AHI1: variants seen among roughly 807,000 people sequenced by gnomAD.
The protein encoded by AHI1 is jouberin.
AHI1 carries 123 observed loss-of-function variants against 149.3 expected under a neutral mutation model. That is an observed-to-expected ratio of 0.82 (90% confidence interval 0.71 to 0.96). The LOEUF (loss-of-function observed/expected upper bound fraction) is 0.96, where lower values mean the gene tolerates loss of function less well. Among genes scored for constraint, AHI1 ranks in the 40% least tolerant of loss-of-function variants. The probability of loss-of-function intolerance (pLI) is 0.00; values close to 1 mark genes in which losing one functional copy is unlikely to be tolerated. For synonymous variants in AHI1, 475 were observed against 459.8 expected, an observed-to-expected ratio of 1.03 and a Z score of -0.42; for missense variants, 1,439 against 1,422.7, an observed-to-expected ratio of 1.01 and a Z score of -0.18.
chr6:135,444,184 C>CA (rs1786787098), intron 13 of AHI1, among the ~76,000 whole-genome samples: 1 of 152,210 alleles, frequency 6.6e-6, no homozygotes, highest in Non-Finnish European at 1.5e-5. Flanking sequence ...ATTAGACCCT[C>CA]ATCACCTCAC....
intron 23 of AHI1, among the ~76,000 whole-genome samples, chr6:135,389,736 C>T (rs1410348925): frequency 1.3e-5 from 2 of 152,138 alleles, no homozygotes; most frequent in Non-Finnish European, 2.9e-5. Context: ...TAGAGCAATG[C>T]TGTGAAAATA....
In AHI1 at chr6:135,459,740, T is replaced by TA. The variant is rs58235668; in HGVS notation, c.932-2028dup. Reference sequence around the variant, plus strand: ...CAGTATATCAAATAGCTGACAGAAGTAAAAAAAAAAAAAAAAAAGATTGAT... The same window carrying TA: ...CAGTATATCAAATAGCTGACAGAAGTAAAAAAAAAAAAAAAAAAAGATTGAT... On this transcript the variant is annotated intron_variant, in intron 8 of 28. Transcript: ENST00000265602. Among the ~76,000 whole-genome samples, 507 of 118,552 alleles carry TA rather than the reference T, an allele frequency of 4.3e-3. 3 individuals are homozygous for TA. The highest frequency in any genetic ancestry group is 0.015 in the African/African-American group (455 of 29,532). 77.8% of individuals were successfully genotyped at this position (118,552 alleles called of 152,430 possible).
At chr6:135,354,889 A>G (rs556059415) in intron 24 of AHI1, among the ~76,000 whole-genome samples, 1 of 152,314 alleles carries the variant, frequency 6.6e-6, no homozygotes, top group South Asian at 2.1e-4. Flanking sequence ...CATTAGGTAT[A>G]AAGAAAATAA....
chr6:135,493,714 G>A (rs1452227227), intron 3 of AHI1, among the ~76,000 whole-genome samples: 1 of 152,148 alleles, frequency 6.6e-6, no homozygotes, highest in Admixed American at 6.5e-5. Flanking sequence ...TAATAGGCCA[G>A]GAAAAAGCTG....
intron 20 of AHI1, among the ~76,000 whole-genome samples, chr6:135,424,965 A>C (rs1783726783): frequency 6.6e-6 from 1 of 151,970 alleles, no homozygotes; most frequent in Non-Finnish European, 1.5e-5. Context: ...AAAATAAAAC[A>C]TAAGACAAAA....
chr6:135,474,263 A>T (rs1792227013), intron 5 of AHI1, among the ~76,000 whole-genome samples: 1 of 152,164 alleles, frequency 6.6e-6, no homozygotes, highest in African/African-American at 2.4e-5. Context: ...ATTAACATAG[A>T]CGATTATGTC....
chr6:135,470,618 A>G lies in AHI1; in HGVS notation c.136-2984T>C, dbSNP rs1405085257. On this transcript the variant is annotated intron_variant, in intron 5 of 28. Coordinates refer to ENST00000265602, the MANE Select transcript of AHI1 (RefSeq NM_001134831.2). ...AAGAAAATGTGGTTCATATATACCA[A>G]TGAATACTAGGCAGCCATAAAAAGG... Among the ~76,000 whole-genome samples the G allele has an allele frequency of 2.6e-5, 4 of 152,306 alleles. No homozygotes were observed. The East Asian group carries it at 7.7e-4, about 29-fold the overall frequency.
At chr6:135,360,824 T>C (rs1263230978) in intron 23 of AHI1, among the ~76,000 whole-genome samples, 1 of 152,038 alleles carries the variant, frequency 6.6e-6, no homozygotes, top group Non-Finnish European at 1.5e-5. Flanking sequence ...TATCAACAAA[T>C]AAAAATGAAA....
intron 28 of AHI1, among the ~76,000 whole-genome samples, chr6:135,288,196 C>A (rs1346353024): frequency 1.3e-5 from 2 of 152,004 alleles, no homozygotes; most frequent in African/African-American, 2.4e-5. Flanking sequence ...TGGCAAGACA[C>A]CAGGCTAAGT....
intron 5 of AHI1, among the ~76,000 whole-genome samples, chr6:135,475,107 T>C (rs902881156): frequency 6.6e-6 from 1 of 152,214 alleles, no homozygotes; most frequent in African/African-American, 2.4e-5. Flanking sequence ...GTTCGAGTTA[T>C]CTATTTCTTT....
chr6:135,497,223 T>G lies in AHI1; in HGVS notation c.-175A>C, dbSNP rs1796092137. The G allele has an allele frequency of 6.6e-6, 1 of 152,186 alleles. No homozygotes were observed. The highest frequency in any genetic ancestry group is 2.4e-5 in the African/African-American group (1 of 41,436). 9.4% of individuals were successfully genotyped at this position (152,186 alleles called of 1,614,324 possible). A position where few individuals can be genotyped will look rare whatever the true frequency, so the allele number is the denominator to read the frequency against. On this transcript the variant is annotated 5_prime_UTR_variant, in exon 2 of 29. Coordinates refer to ENST00000265602, the MANE Select transcript of AHI1 (RefSeq NM_001134831.2). ...ACATAATTAAGAAGGCTTTGACAGG[T>G]TGAAGATTCAGCCCCAGGTTGACAC...
At chr6:135,361,485 T>C (rs1387243720) in intron 23 of AHI1, among the ~76,000 whole-genome samples, 1 of 152,160 alleles carries the variant, frequency 6.6e-6, no homozygotes, top group Admixed American at 6.5e-5. Context: ...GAAATCTAGG[T>C]TAATAGCCAT....
At chr6:135,435,222 C>T (rs988231885) in intron 15 of AHI1, 4 of 152,114 alleles carry the variant, frequency 2.6e-5, no homozygotes, top group African/African-American at 7.2e-5. Context: ...TCAGTTAATG[C>T]TTTCACAATA....
chr6:135,419,454 G>T (rs531368330), intron 20 of AHI1, among the ~76,000 whole-genome samples: 1 of 151,798 alleles, frequency 6.6e-6, no homozygotes, highest in African/African-American at 2.4e-5. Context: ...GAGATATGGC[G>T]GGTTTGGTTT....
chr6:135,340,326 C>CGCA (rs1313186790), intron 24 of AHI1, among the ~76,000 whole-genome samples: 1 of 151,506 alleles, frequency 6.6e-6, no homozygotes, highest in Non-Finnish European at 1.5e-5. Context: ...AAGCTGAGAT[C>CGCA]GCACCGTGCA....
intron 18 of AHI1, among the ~76,000 whole-genome samples, chr6:135,429,359 A>G (rs890180583): frequency 6.6e-6 from 1 of 151,706 alleles, no homozygotes; most frequent in African/African-American, 2.4e-5. Flanking sequence ...AAAGTGCACT[A>G]GAAGTCCATG....
chr6:135,412,246 G>GT (rs1261062576), intron 20 of AHI1, among the ~76,000 whole-genome samples: 2 of 152,122 alleles, frequency 1.3e-5, no homozygotes, highest in Non-Finnish European at 2.9e-5. Flanking sequence ...ATTAGGTATT[G>GT]TAAGTAATCT....
At chr6:135,472,826 A>C (rs1791962357) in intron 5 of AHI1, among the ~76,000 whole-genome samples, 1 of 152,102 alleles carries the variant, frequency 6.6e-6, no homozygotes, top group Admixed American at 6.5e-5. Flanking sequence ...TGCCCTTTTT[A>C]ATTAGGCTGT....
intron 25 of AHI1, 32 bp downstream of exon 25, chr6:135,323,130 C>A: frequency 6.3e-7 from 1 of 1,577,792 alleles, no homozygotes. Context: ...TTATACCATA[C>A]TAGTAAACCA....
Sources: gnomAD v4.1 joint callset for allele counts (sites outside exome capture counted in the v4.1 genomes callset) on GRCh38, gnomAD v4.1.1 for gene constraint, MANE v1.5 for transcripts, NCBI Gene and HGNC (gene_info 2026-07-23, HGNC 2026-07-21) for gene names.